ZBTB38: variants seen among roughly 807,000 people sequenced by gnomAD.
ZBTB38 encodes zinc finger and BTB domain containing 38, also known as zinc finger and BTB domain-containing protein 38.
In ZBTB38, 20 loss-of-function variants were observed where a neutral mutation model predicts 76.8. That is an observed-to-expected ratio of 0.26 (90% CI 0.18 to 0.38). The LOEUF (loss-of-function observed/expected upper bound fraction) is 0.38, where lower values mean the gene tolerates loss of function less well. ZBTB38 is among the 10% of genes least tolerant of loss of function. ZBTB38 has a pLI of 1.00. For missense variants in ZBTB38, 1,082 were observed against 1,482.3 expected, an observed-to-expected ratio of 0.73 and a Z score of 4.43; for synonymous variants, 504 against 544.2, an observed-to-expected ratio of 0.93 and a Z score of 1.03.
intron 1 of ZBTB38, among the ~76,000 whole-genome samples, chr3:141,362,214 A>G (rs1943843437): frequency 6.6e-6 from 1 of 152,068 alleles, no homozygotes; most frequent in African/African-American, 2.4e-5. Flanking sequence ...AAGGATCCCT[A>G]AAGATGAACT....
intron 1 of ZBTB38, among the ~76,000 whole-genome samples, chr3:141,351,899 T>TA (rs1559917176): frequency 6.6e-6 from 1 of 152,112 alleles, no homozygotes; most frequent in African/African-American, 2.4e-5. Flanking sequence ...GAGAGGAAGA[T>TA]ACCATTTGAA....
At chr3:141,429,944 G>A (rs1389300222) in intron 5 of ZBTB38, among the ~76,000 whole-genome samples, 1 of 152,238 alleles carries the variant, frequency 6.6e-6, no homozygotes, top group Admixed American at 6.5e-5. Flanking sequence ...ACAGCACAGG[G>A]CCTTGCTGGG....
chr3:141,421,278 CT>C (rs77094062), intron 5 of ZBTB38, among the ~76,000 whole-genome samples: 7,012 of 125,652 alleles, frequency 0.056, 193 homozygotes, highest in East Asian at 0.13. Context: ...AAACTTCTCT[CT>C]TTTTTTTTTT....
chr3:141,333,569 G>A (rs908374026), intron 1 of ZBTB38, among the ~76,000 whole-genome samples: 1 of 152,146 alleles, frequency 6.6e-6, no homozygotes, highest in African/African-American at 2.4e-5. Flanking sequence ...TCAGTGAGAG[G>A]AAGGGGTTAC....
intron 5 of ZBTB38, among the ~76,000 whole-genome samples, chr3:141,427,132 AG>A (rs2076558882): frequency 6.6e-6 from 1 of 152,046 alleles, no homozygotes; most frequent in South Asian, 2.1e-4. Context: ...GGCTCTATAA[AG>A]CTTAGTTTTG....
chr3:141,435,014 TC>T (rs2078436361), intron 5 of ZBTB38, among the ~76,000 whole-genome samples: 1 of 152,118 alleles, frequency 6.6e-6, no homozygotes, highest in Admixed American at 6.5e-5. Flanking sequence ...ATGTCTGTTG[TC>T]CCAGCTACTG....
intron 3 of ZBTB38, 107 bp from the exon 4 acceptor site, chr3:141,386,765 G>A (rs1947233770): frequency 6.6e-6 from 1 of 152,608 alleles, no homozygotes; most frequent in Non-Finnish European, 1.5e-5. Context: ...TGTATGAAAT[G>A]CCTTCTGTCT....
In ZBTB38 at chr3:141,446,250, T is replaced by C. The variant is rs2081085231; in HGVS notation, c.*274T>C. On this transcript the variant is annotated 3_prime_UTR_variant, in exon 6 of 6. Transcript: ENST00000321464. ...ATAAAATTCTTAGCTGTGGTATTTC[T>C]ACCAGTGAAAAAAGGAGTTTAATTT... 3.8e-6 allele frequency: 1 copy of C among 263,846 alleles called. No homozygotes were observed. The highest frequency in any genetic ancestry group is 7.3e-5 in the East Asian group (1 of 13,724). The allele number at this position is 263,846 out of a possible 1,614,324, so 16.3% of individuals were successfully genotyped here.
At chr3:141,365,131 A>G (rs922354520), upstream of ZBTB38, among the ~76,000 whole-genome samples, 41 of 152,238 alleles carry the variant, frequency 2.7e-4, no homozygotes, top group African/African-American at 9.9e-4. Flanking sequence ...AAAAGTGAAA[A>G]CAACTCAAGT....
intron 5 of ZBTB38, among the ~76,000 whole-genome samples, chr3:141,424,507 G>A (rs1275425016): frequency 2.0e-5 from 3 of 152,098 alleles, no homozygotes; most frequent in Non-Finnish European, 4.4e-5. Flanking sequence ...GTGGCAGAGT[G>A]AGACCCTGTC....
chr3:141,437,153 T>G (rs928725984), intron 5 of ZBTB38, among the ~76,000 whole-genome samples: 1 of 152,202 alleles, frequency 6.6e-6, no homozygotes, highest in Non-Finnish European at 1.5e-5. Flanking sequence ...TTTCACTGCT[T>G]TTTTTCAAGT....
chr3:141,444,953 A>T lies in ZBTB38; in HGVS notation c.2565A>T (p.Gly855=), dbSNP rs1420845742. Residue 855 remains glycine (G), a synonymous_variant, in exon 6 of 6, where the codon GGA becomes GGT. Coordinates refer to ENST00000321464, the MANE Select transcript of ZBTB38 (RefSeq NM_001376113.1). The surrounding 1 kb of genome is among the most constrained non-coding windows in gnomAD (Gnocchi z 5.1). ...NEAIVKRHIL[G]SKLFYKRGRR... is the part of the protein sequence containing the mutation. Reference sequence around the variant, plus strand: ...CCATTGTGAAAAGGCACATTCTAGGATCTAAATTGTTTTATAAAAGAGGGA... The same window carrying T: ...CCATTGTGAAAAGGCACATTCTAGGTTCTAAATTGTTTTATAAAAGAGGGA... 2 of 1,614,220 alleles carry T rather than the reference A, an allele frequency of 1.2e-6. No homozygotes were observed. Among genetic ancestry groups the T allele is most frequent in the Non-Finnish European group, 1.7e-6 (2 of 1,180,048 alleles).
intron 5 of ZBTB38, among the ~76,000 whole-genome samples, chr3:141,430,407 A>T (rs2150466868): frequency 6.6e-6 from 1 of 152,274 alleles, no homozygotes; most frequent in Non-Finnish European, 1.5e-5. Context: ...TACTGGATGA[A>T]GGATAAGCCG....
At chr3:141,335,742 T>C (rs1019644591) in intron 1 of ZBTB38, among the ~76,000 whole-genome samples, 2 of 152,244 alleles carry the variant, frequency 1.3e-5, no homozygotes, top group African/African-American at 4.8e-5. Context: ...CCCACCAGTT[T>C]CTATCAATCA....
intron 4 of ZBTB38, among the ~76,000 whole-genome samples, chr3:141,400,365 C>A (rs575315528): frequency 6.6e-6 from 1 of 152,300 alleles, no homozygotes; most frequent in Admixed American, 6.5e-5. Context: ...TTTGTGAATT[C>A]CCAAGTGGAT....
intron 1 of ZBTB38, among the ~76,000 whole-genome samples, chr3:141,369,636 C>T (rs1239868826): frequency 1.3e-5 from 2 of 152,122 alleles, no homozygotes; most frequent in East Asian, 1.9e-4. Context: ...ATCTAGTCTT[C>T]GTATAGCTGA....
chr3:141,356,817 C>T (rs1943675822), intron 1 of ZBTB38, among the ~76,000 whole-genome samples: 1 of 152,170 alleles, frequency 6.6e-6, no homozygotes, highest in African/African-American at 2.4e-5. Flanking sequence ...GGGAAATTAT[C>T]TTAATAAGCG....
intron 3 of ZBTB38, among the ~76,000 whole-genome samples, chr3:141,382,450 G>A (rs1454887137): frequency 1.3e-5 from 2 of 152,066 alleles, no homozygotes; most frequent in African/African-American, 2.4e-5. Flanking sequence ...GCAAATCGTT[G>A]TATCTCTCTC....
chr3:141,388,119 A>C (rs907864666), intron 4 of ZBTB38: 2 of 152,072 alleles, frequency 1.3e-5, no homozygotes, highest in Non-Finnish European at 2.9e-5. Flanking sequence ...TTTAAAAAAA[A>C]ATCATATATA....
Sources: gnomAD v4.1 joint callset for allele counts (sites outside exome capture counted in the v4.1 genomes callset) on GRCh38, gnomAD v4.1.1 for gene constraint, Gnocchi (gnomAD v3.1) non-coding constraint, MANE v1.5 for transcripts, NCBI Gene and HGNC (gene_info 2026-07-23, HGNC 2026-07-21) for gene names.